PRH1: variants seen among roughly 807,000 people sequenced by gnomAD.
PRH1 encodes salivary acidic proline-rich phosphoprotein 1/2.
PRH1 carries 7 observed loss-of-function variants against 7.9 expected under a neutral mutation model. The ratio of observed to expected loss-of-function variants is 0.89; its 90% CI spans 0.50 to 1.67. PRH1 has a LOEUF of 1.67. Among genes scored for constraint, PRH1 ranks in the 40% most tolerant of loss-of-function variants. PRH1 has a pLI of 0.00. For synonymous variants in PRH1, 45 were observed against 80.8 expected (o/e 0.56, Z 2.38); for missense variants, 109 against 223.6 (o/e 0.49, Z 3.27).
chr12:11,004,497 T>C (rs772330053), intron 1 of PRH1, among the ~76,000 whole-genome samples: 8 of 152,106 alleles, frequency 5.3e-5, no homozygotes, highest in South Asian at 2.1e-4. Flanking sequence ...GAAGTGAGAC[T>C]GTCTCAAAAA....
intron 1 of PRH1, among the ~76,000 whole-genome samples, chr12:10,979,845 C>CT (rs1340458834): frequency 6.6e-6 from 1 of 152,042 alleles, no homozygotes; most frequent in East Asian, 1.9e-4. Flanking sequence ...AACGTGGACT[C>CT]TATGTTTTTT....
intron 2 of PRH1, among the ~76,000 whole-genome samples, chr12:10,929,493 C>T (rs1950171874): frequency 2.0e-5 from 3 of 152,134 alleles, no homozygotes; most frequent in African/African-American, 7.2e-5. Flanking sequence ...TGCCTTCATT[C>T]CTCATCAAGA....
At chr12:10,914,406 AT>A (rs1335560975) in intron 2 of PRH1, among the ~76,000 whole-genome samples, 2 of 152,220 alleles carry the variant, frequency 1.3e-5, no homozygotes, top group African/African-American at 4.8e-5. Context: ...AAAGACAAGG[AT>A]TTCTAAAAGA....
chr12:10,994,383 C>A (rs994682137), intron 1 of PRH1, among the ~76,000 whole-genome samples: 1 of 152,234 alleles, frequency 6.6e-6, no homozygotes, highest in Admixed American at 6.5e-5. Context: ...TCCTCTGTTG[C>A]TTCCATGGGC....
chr12:11,019,032 A>T (rs1167272976), intron 1 of PRH1, among the ~76,000 whole-genome samples: 1 of 150,928 alleles, frequency 6.6e-6, no homozygotes, highest in Non-Finnish European at 1.5e-5. Flanking sequence ...CTCTTAGAAA[A>T]ATGGGGGTAT....
At chr12:11,092,999 T>C (rs1336121181) in intron 1 of PRH1, among the ~76,000 whole-genome samples, 1 of 115,840 alleles carries the variant, frequency 8.6e-6, no homozygotes, top group Admixed American at 8.7e-5. Flanking sequence ...TAGGCTGGAA[T>C]TATTCACACT....
At chr12:11,122,663 G>C (rs1945949552) in intron 1 of PRH1, among the ~76,000 whole-genome samples, 2 of 152,270 alleles carry the variant, frequency 1.3e-5, no homozygotes, top group African/African-American at 4.8e-5. Flanking sequence ...ACTAAAATCA[G>C]AAAGTTTCTT....
chr12:10,882,618 C>T lies in PRH1; in HGVS notation c.181G>A (p.Gly61Ser). ...LGGQQSQPSAGDGNQDDGPQQ... is the reference protein window; with the variant it reads ...LGGQQSQPSASDGNQDDGPQQ... ...GGGCCATCATCCTGGTTCCCATCAC[C>T]AGCAGAGGGTTGAGATTGCTGTCCT... The change falls in exon 3 of 4, where the codon GGT (glycine) becomes AGT (serine). Residue 61 changes from glycine to serine, a missense_variant. Physicochemically the swap from Gly to Ser is moderately conservative, Grantham distance 56. This residue lies in a region of PRH1 where 60 missense variants were observed against 76.5 expected (regional missense o/e 0.78). Coordinates refer to ENST00000543626, the MANE Select transcript of PRH1 (RefSeq NM_001393989.1). The T allele has an allele frequency of 1.2e-6, 2 of 1,611,362 alleles. No individual in the cohort carries two copies. The highest frequency in any genetic ancestry group is 1.7e-6 in the Non-Finnish European group (2 of 1,179,156).
chr12:11,147,753 G>T (rs1946911808), intron 1 of PRH1, among the ~76,000 whole-genome samples: 1 of 152,182 alleles, frequency 6.6e-6, no homozygotes. Flanking sequence ...GAGTTCTACA[G>T]ATGTTAAAGA....
intron 2 of PRH1, among the ~76,000 whole-genome samples, chr12:10,966,430 C>A (rs1334836198): frequency 6.6e-6 from 1 of 152,122 alleles, no homozygotes; most frequent in East Asian, 1.9e-4. Flanking sequence ...ATTGGAGTTT[C>A]TTTTCCTTTT....
At chr12:11,155,590 A>C (rs992407364) in intron 1 of PRH1, among the ~76,000 whole-genome samples, 1 of 152,154 alleles carries the variant, frequency 6.6e-6, no homozygotes, top group African/African-American at 2.4e-5. Flanking sequence ...ACTCTTTATA[A>C]ATACAACCTT....
At chr12:10,911,078 G>T (rs1007206506) in intron 2 of PRH1, among the ~76,000 whole-genome samples, 1 of 152,154 alleles carries the variant, frequency 6.6e-6, no homozygotes, top group Non-Finnish European at 1.5e-5. Flanking sequence ...TAAATATGTA[G>T]CTATGTGGCA....
At chr12:10,931,099 A>T (rs1257409292) in intron 2 of PRH1, 3 of 1,570,786 alleles carry the variant, frequency 1.9e-6, no homozygotes, top group Non-Finnish European at 2.6e-6. Flanking sequence ...CCAGTTTATT[A>T]TCCATCAAAG....
At chr12:10,906,861 T>C (rs1949812272) in intron 2 of PRH1, among the ~76,000 whole-genome samples, 1 of 152,140 alleles carries the variant, frequency 6.6e-6, no homozygotes, top group Admixed American at 6.6e-5. Context: ...ACAGAGACTA[T>C]ATAAAGAACA....
chr12:11,144,339 G>A (rs1223669141), intron 1 of PRH1, among the ~76,000 whole-genome samples: 1 of 152,074 alleles, frequency 6.6e-6, no homozygotes, highest in South Asian at 2.1e-4. Context: ...GGCTGCCTCT[G>A]CTGAGTCTTG....
At chr12:10,910,935 T>A (rs1447421524) in intron 2 of PRH1, among the ~76,000 whole-genome samples, 1 of 152,238 alleles carries the variant, frequency 6.6e-6, no homozygotes, top group Admixed American at 6.5e-5. Flanking sequence ...TCATCTTTAA[T>A]GATTTGCAAG....
intron 1 of PRH1, among the ~76,000 whole-genome samples, chr12:11,108,390 A>G (rs1024592273): frequency 2.6e-5 from 4 of 152,230 alleles, no homozygotes; most frequent in Non-Finnish European, 5.9e-5. Flanking sequence ...ATGTCCTAAT[A>G]GGAACAGCTC....
chr12:11,100,556 T>A (rs2708363), intron 1 of PRH1, among the ~76,000 whole-genome samples: 69,203 of 152,068 alleles, frequency 0.46, 16,560 homozygotes, highest in Non-Finnish European at 0.53. Flanking sequence ...ATTCCATGAT[T>A]TAAATTTTAA....
At chr12:11,048,161 T>TGTATAGATAGATAGATAGATAG (rs1555147093), upstream of PRH1, among the ~76,000 whole-genome samples, 1 of 139,092 alleles carries the variant, frequency 7.2e-6, no homozygotes, top group African/African-American at 2.6e-5. Flanking sequence ...TGTGTGTGTG[T>TGTATAGATAGATAGATAGATAG]ATAGATAGAT....
Sources: allele counts gnomAD v4.1 joint callset (sites outside exome capture counted in the v4.1 genomes callset), GRCh38; gene constraint gnomAD v4.1.1; regional missense constraint gnomAD v4.1.1; transcripts MANE v1.5; gene names NCBI Gene and HGNC (gene_info 2026-07-23, HGNC 2026-07-21).